Variants in TNFRSF1B observed in about 807,000 individuals in gnomAD.
TNFRSF1B encodes the protein TNF receptor superfamily member 1B.
A neutral mutation model predicts 44.6 loss-of-function variants in TNFRSF1B; 19 were observed. The ratio of observed to expected loss-of-function variants is 0.43; its 90% CI spans 0.30 to 0.62. The LOEUF is 0.62. Among genes scored for constraint, TNFRSF1B ranks in the 20% least tolerant of loss-of-function variants. TNFRSF1B has a pLI of 0.16. For synonymous variants in TNFRSF1B, 252 were observed against 261.1 expected, an observed-to-expected ratio of 0.97 and a Z score of 0.34; for missense variants, 541 against 619.9, an observed-to-expected ratio of 0.87 and a Z score of 1.35.
chr1:12,201,664 A>C (rs1639392266), intron 8 of TNFRSF1B, among the ~76,000 whole-genome samples: 2 of 152,142 alleles, frequency 1.3e-5, no homozygotes, highest in Non-Finnish European at 1.5e-5. Context: ...CTTATGCAAA[A>C]TAAGGATGAA....
chr1:12,209,018 A>G lies in TNFRSF1B; in HGVS notation c.*1998A>G, dbSNP rs563951876. 2 of 152,316 alleles carry G rather than the reference A, an allele frequency of 1.3e-5. No homozygotes were observed. The highest frequency in any genetic ancestry group is 2.1e-4 in the South Asian group (1 of 4,812). 9.4% of individuals were successfully genotyped at this position (152,316 alleles called of 1,614,324 possible). The stretch of plus-strand genomic sequence containing the variant: ...CACATTGGACCCACATGAGGACATG[A>G]TGGAGCGCACCTGCCCCCTGGTGGA... On this transcript the variant is annotated 3_prime_UTR_variant, in exon 10 of 10. Coordinates refer to ENST00000376259, the MANE Select transcript of TNFRSF1B (RefSeq NM_001066.3).
Position 12,177,516 on chromosome 1 carries a change from G to A in TNFRSF1B, c.78+10347G>A, listed in dbSNP as rs1016108356. On this transcript the variant is annotated intron_variant, in intron 1 of 9. Transcript: ENST00000376259. The surrounding 1 kb of genome is among the most constrained non-coding windows in gnomAD (Gnocchi z 4.3). ...AGCAGGATTCCAGGGCCTGCCTGGC[G>A]CTGCTACCCCTGTGCCTCCAGACCC... Among the ~76,000 whole-genome samples, 2 of 152,134 alleles carry A rather than the reference G, an allele frequency of 1.3e-5. No individual in the cohort carries two copies. Among genetic ancestry groups the A allele is most frequent in the Admixed American group, 6.5e-5 (1 of 15,280 alleles).
chr1:12,184,985 G>A (rs892938230), intron 1 of TNFRSF1B, among the ~76,000 whole-genome samples: 6 of 152,216 alleles, frequency 3.9e-5, no homozygotes, highest in South Asian at 2.1e-4. Flanking sequence ...CTGGGAGGCC[G>A]TTCGGTCGGA....
At chr1:12,206,387 G>A (rs2101131332) in intron 9 of TNFRSF1B, among the ~76,000 whole-genome samples, 1 of 151,042 alleles carries the variant, frequency 6.6e-6, no homozygotes. Context: ...AGACAGAAGA[G>A]ACAGGGTCTC....
chr1:12,174,283 C>T (rs891146099), intron 1 of TNFRSF1B, among the ~76,000 whole-genome samples: 5 of 143,494 alleles, frequency 3.5e-5, no homozygotes, highest in Admixed American at 7.3e-5. Flanking sequence ...AGTCTGACTC[C>T]GTTGCCCAGG....
rs990480894 is a variant in TNFRSF1B, at chr1:12,197,896, G to T, written c.900+3278G>T. 1.3e-5 allele frequency among the ~76,000 whole-genome samples: 2 copies of T among 151,986 alleles called. 1 individual carries two copies. The highest frequency in any genetic ancestry group is 4.2e-4 in the South Asian group (2 of 4,816). ...ATCCCAGCACTTTGGGAGGCCGAGGGGGGCGGATCACGAGGTCAGGAGATC... is the reference window on the plus strand; with the variant it reads ...ATCCCAGCACTTTGGGAGGCCGAGGTGGGCGGATCACGAGGTCAGGAGATC... On this transcript the variant is annotated intron_variant, in intron 8 of 9. Coordinates refer to ENST00000376259, the MANE Select transcript of TNFRSF1B (RefSeq NM_001066.3).
At position 12,171,996 on chromosome 1, in the gene TNFRSF1B, G is replaced by C. The variant is rs1354561767; in HGVS notation, c.78+4827G>C. 6.6e-6 allele frequency among the ~76,000 whole-genome samples: 1 copy of C among 152,078 alleles called. No individual in the cohort carries two copies. The highest frequency in any genetic ancestry group is 2.4e-5 in the African/African-American group (1 of 41,390). On this transcript the variant is annotated intron_variant, in intron 1 of 9. Coordinates refer to ENST00000376259, the MANE Select transcript of TNFRSF1B (RefSeq NM_001066.3). This position sits in a 1 kb window ranked among gnomAD's most constrained non-coding sequence, Gnocchi z 4.5. The stretch of plus-strand genomic sequence containing the variant: ...CCTCCATCTCTTGGGGTATTTTTCT[G>C]GGCTCCTCTTCCCATTGAGTGGTGT...
intron 6 of TNFRSF1B, 51 bp from the exon 7 acceptor site, chr1:12,193,904 T>C (rs757993456): frequency 1.3e-6 from 2 of 1,519,978 alleles, no homozygotes; most frequent in Admixed American, 1.7e-5. Flanking sequence ...TGGCCCCTGG[T>C]ACATTTGAGT....
At chr1:12,197,263 T>C (rs1434980732) in intron 8 of TNFRSF1B, among the ~76,000 whole-genome samples, 1 of 152,178 alleles carries the variant, frequency 6.6e-6, no homozygotes, top group African/African-American at 2.4e-5. Context: ...CCTTTCACTG[T>C]TGCTCTCAGT....
In TNFRSF1B at chr1:12,180,112, C is replaced by T. The variant is rs1385443008; in HGVS notation, c.79-8684C>T. Among the ~76,000 whole-genome samples, 1 of 151,964 alleles carries T rather than the reference C, an allele frequency of 6.6e-6. No individual in the cohort carries two copies. The highest frequency in any genetic ancestry group is 1.5e-5 in the Non-Finnish European group (1 of 67,980). On this transcript the variant is annotated intron_variant, in intron 1 of 9. Transcript: ENST00000376259. The surrounding 1 kb of genome is among the most constrained non-coding windows in gnomAD (Gnocchi z 4.3). ...TGACCTCTTCCCAAGGGTACGGCAT[C>T]TAAAAGGGATCTCCGGAACATTGAA...
At chr1:12,182,068 G>T (rs564592523) in intron 1 of TNFRSF1B, among the ~76,000 whole-genome samples, 37 of 152,340 alleles carry the variant, frequency 2.4e-4, no homozygotes, top group African/African-American at 8.2e-4. Context: ...GATCTTTGGG[G>T]TAGGGGCGGG....
intron 7 of TNFRSF1B, among the ~76,000 whole-genome samples, chr1:12,194,382 T>C (rs1570162778): frequency 6.6e-6 from 1 of 151,924 alleles, no homozygotes; most frequent in Admixed American, 6.6e-5. Flanking sequence ...GCGCGGATGG[T>C]ATAGATGGGG....
chr1:12,206,606 T>G, intron 9 of TNFRSF1B, 134 bp from the exon 10 acceptor site: 1 of 948,866 alleles, frequency 1.1e-6, no homozygotes, highest in South Asian at 1.9e-5. Context: ...ACAGCAGAGC[T>G]GGGCTAGAAT....
intron 9 of TNFRSF1B, among the ~76,000 whole-genome samples, chr1:12,205,019 A>G (rs75701676): frequency 0.043 from 6,573 of 152,084 alleles, 189 homozygotes; most frequent in Middle Eastern, 0.054. Context: ...CTACTAAAAA[A>G]ATAAAAAAAA....
At chr1:12,190,588 A>G (rs1299661727) in intron 2 of TNFRSF1B, among the ~76,000 whole-genome samples, 2 of 151,712 alleles carry the variant, frequency 1.3e-5, no homozygotes, top group East Asian at 3.9e-4. Flanking sequence ...ACCAGGGACT[A>G]CATTCTTACT....
At chr1:12,184,772 GC>G (rs1638943044) in intron 1 of TNFRSF1B, among the ~76,000 whole-genome samples, 1 of 152,210 alleles carries the variant, frequency 6.6e-6, no homozygotes, top group Admixed American at 6.5e-5. Context: ...GCCTGGAGCC[GC>G]CCTGGCCCTG....
chr1:12,183,744 T>TCTATCTATCTATCTATTCTATCTACCTAC (rs1638896958), intron 1 of TNFRSF1B, among the ~76,000 whole-genome samples: 1 of 103,762 alleles, frequency 9.6e-6, no homozygotes, highest in Admixed American at 8.8e-5. Context: ...TATCTATCTA[T>TCTATCTATCTATCTATTCTATCTACCTAC]CTATCTAGCT....
At chr1:12,176,398 C>G (rs1638658149) in intron 1 of TNFRSF1B, among the ~76,000 whole-genome samples, 1 of 152,136 alleles carries the variant, frequency 6.6e-6, no homozygotes, top group Non-Finnish European at 1.5e-5. Flanking sequence ...ACTGTAGCAA[C>G]TATAATTTGG....
At position 12,199,328 on chromosome 1, in the gene TNFRSF1B, C is replaced by G. The variant is rs1639338629; in HGVS notation, c.901-2639C>G. ...GGGTCAGACCACCTGGGCGGAGGTTCAGCATGAACTTGCAATGCCCTCCAT... is the reference window on the plus strand; with the variant it reads ...GGGTCAGACCACCTGGGCGGAGGTTGAGCATGAACTTGCAATGCCCTCCAT... On this transcript the variant is annotated intron_variant, in intron 8 of 9. Coordinates refer to ENST00000376259, the MANE Select transcript of TNFRSF1B (RefSeq NM_001066.3). This position sits in a 1 kb window ranked among gnomAD's most constrained non-coding sequence, Gnocchi z 4.0. Among the ~76,000 whole-genome samples the G allele has an allele frequency of 1.3e-5, 2 of 152,332 alleles. No homozygotes were observed.
Sources: allele counts gnomAD v4.1 joint callset (sites outside exome capture counted in the v4.1 genomes callset), GRCh38; gene constraint gnomAD v4.1.1; non-coding constraint Gnocchi (gnomAD v3.1); transcripts MANE v1.5; gene names NCBI Gene and HGNC (gene_info 2026-07-23, HGNC 2026-07-21).